SCN9A: variants seen among roughly 807,000 people sequenced by gnomAD.
The protein encoded by SCN9A is sodium voltage-gated channel alpha subunit 9, also known as sodium channel protein type 9 subunit alpha.
In SCN9A, 131 loss-of-function variants were observed where a neutral mutation model predicts 187.0. The ratio of observed to expected loss-of-function variants is 0.70; its 90% confidence interval spans 0.61 to 0.81. The LOEUF (loss-of-function observed/expected upper bound fraction) is 0.81, where lower values mean the gene tolerates loss of function less well. Ranked by LOEUF, SCN9A falls within the 30% of genes least tolerant of loss-of-function variation. The pLI, the probability that SCN9A is intolerant of heterozygous loss-of-function variation, is 0.00. For synonymous variants in SCN9A, 809 were observed against 808.6 expected, an observed-to-expected ratio of 1.00 and a Z score of -0.01; for missense variants, 2,252 against 2,396.6, an observed-to-expected ratio of 0.94 and a Z score of 1.26.
chr2:166,278,283 C>A lies in SCN9A; in HGVS notation c.2374G>T (p.Val792Leu), dbSNP rs1697326682. The A allele has an allele frequency of 6.2e-7, 1 of 1,607,268 alleles. No individual in the cohort carries two copies. Among genetic ancestry groups the A allele is most frequent in the Non-Finnish European group, 8.5e-7 (1 of 1,177,634 alleles). The stretch of plus-strand genomic sequence containing the variant: ...GGATCCATGGCAATCAGTTTTAATA[C>A]CATTTCAGCTGCAAAGATTCCAGTA... ...VFTGIFAAEM[V>L]LKLIAMDPYE... Residue 792 changes from valine to leucine, a missense_variant, in exon 15 of 27, where the codon GTA becomes TTA. This residue lies in a region of SCN9A where 1,013 missense variants were observed against 997.4 expected (regional missense o/e 1.02). Transcript: ENST00000642356.
intron 17 of SCN9A, among the ~76,000 whole-genome samples, chr2:166,271,911 G>A (rs1697009767): frequency 6.6e-6 from 1 of 151,946 alleles, no homozygotes; most frequent in Non-Finnish European, 1.5e-5. Context: ...TGCGGATCAT[G>A]GATACATCAT....
chr2:166,199,193 C>G lies in SCN9A; in HGVS notation c.5446G>C (p.Ala1816Pro). The stretch of plus-strand genomic sequence containing the variant: ...ATGAGCTGGACTTTGTTGGGTTTTG[C>G]TATGAGAAGAGGAGGATCCAGGGCA... ...AAALDPPLLI[A>P]KPNKVQLIAM... The change falls in exon 27 of 27, where the codon GCA (alanine) becomes CCA (proline). Residue 1816 changes from alanine to proline, a missense_variant. By Grantham distance (27) the Ala-to-Pro change is conservative. Coordinates refer to ENST00000642356, the MANE Select transcript of SCN9A (RefSeq NM_001365536.1). 6.2e-7 allele frequency: 1 copy of G among 1,614,120 alleles called. No individual in the cohort carries two copies. The highest frequency in any genetic ancestry group is 1.3e-5 in the African/African-American group (1 of 75,018).
At chr2:166,342,867 G>A (rs1699818641) in intron 1 of SCN9A, among the ~76,000 whole-genome samples, 1 of 152,146 alleles carries the variant, frequency 6.6e-6, no homozygotes, top group South Asian at 2.1e-4. Flanking sequence ...GGAAACCACA[G>A]ATTATGCCCT....
chr2:166,244,800 A>T (rs1012424776), intron 18 of SCN9A, among the ~76,000 whole-genome samples: 2 of 152,024 alleles, frequency 1.3e-5, no homozygotes, highest in African/African-American at 2.4e-5. Context: ...GCAATTTCAC[A>T]TCAGTAGTTT....
Position 166,307,052 on chromosome 2 carries a change from CCTTTGTT to C in SCN9A, c.274_280del (p.Asn92GlyfsTer22). On this transcript the variant is annotated frameshift_variant, in exon 3 of 27. Transcript: ENST00000642356. LOFTEE classifies it high-confidence loss of function. ...GGCATTGAAACGGAAGATTGTTTTC[CCTTTGTT>C]CAATACTATGAAAGTCTGCAGGAGG... 6.2e-7 allele frequency: 1 copy of C among 1,607,618 alleles called. No homozygotes were observed. The highest frequency in any genetic ancestry group is 8.5e-7 in the Non-Finnish European group (1 of 1,174,686).
chr2:166,216,394 A>C (rs1694333322), intron 24 of SCN9A, among the ~76,000 whole-genome samples: 1 of 152,094 alleles, frequency 6.6e-6, no homozygotes, highest in Non-Finnish European at 1.5e-5. Context: ...GCAATTAGGC[A>C]GGAAAAAGAA....
chr2:166,279,872 A>G (rs1218725410), intron 14 of SCN9A, among the ~76,000 whole-genome samples: 2 of 152,058 alleles, frequency 1.3e-5, no homozygotes, highest in Non-Finnish European at 2.9e-5. Flanking sequence ...CAGAGTTAAA[A>G]TATTTGTCCA....
intron 12 of SCN9A, among the ~76,000 whole-genome samples, chr2:166,282,193 G>A (rs184281786): frequency 2.6e-4 from 40 of 152,294 alleles, no homozygotes; most frequent in African/African-American, 9.1e-4. Flanking sequence ...CAGTGAAAGT[G>A]CTGTAGTGCT....
chr2:166,226,836 T>A (rs1694861731), intron 23 of SCN9A, 132 bp from the exon 24 acceptor site: 1 of 535,088 alleles, frequency 1.9e-6, no homozygotes, highest in Non-Finnish European at 3.1e-6. Context: ...ATAGCATTGT[T>A]GAGGTTTAAC....
At chr2:166,291,029 G>T (rs1215748539) in intron 9 of SCN9A, among the ~76,000 whole-genome samples, 1 of 152,100 alleles carries the variant, frequency 6.6e-6, no homozygotes, top group East Asian at 1.9e-4. Flanking sequence ...ACAAGACAAG[G>T]ATGCCCTCTC....
In SCN9A at chr2:166,228,792, C is replaced by A. The variant is rs1298235055; in HGVS notation, c.4105G>T (p.Glu1369Ter). Residue 1369 changes from glutamate to a stop codon, truncating the protein, a stop_gained, in exon 22 of 27, where the codon GAA (glutamate) becomes TAA (stop). Coordinates refer to ENST00000642356, the MANE Select transcript of SCN9A (RefSeq NM_001365536.1). LOFTEE classifies it high-confidence loss of function. Reference protein sequence around the residue: ...FPASQVPNRSECFALMNVSQN... With the variant: ...FPASQVPNRS ...CTAACATTCATAAGGGCAAAACATT[C>A]GGAACGATTTGGAACTTGACTTGCA... The A allele has an allele frequency of 6.2e-7, 1 of 1,613,894 alleles. No homozygotes were observed. Among genetic ancestry groups the A allele is most frequent in the Non-Finnish European group, 8.5e-7 (1 of 1,179,842 alleles).
At position 166,198,711 on chromosome 2, in the gene SCN9A, C is replaced by G; in HGVS notation, c.5928G>C (p.Lys1976Asn). 6.2e-7 allele frequency: 1 copy of G among 1,607,910 alleles called. No homozygotes were observed. The highest frequency in any genetic ancestry group is 8.5e-7 in the Non-Finnish European group (1 of 1,177,720). Residue 1976 changes from lysine to asparagine, a missense_variant, in exon 27 of 27, where the codon AAG becomes AAC. Lys to Asn is a moderately conservative substitution (Grantham distance 94). Transcript: ENST00000642356. ...CCTTGCTGTCTTTCCCTTTGTCTTC[C>G]TTTTCTGTTCTGTCTTGTTCATATT... ...KEKYEQDRTE[K>N]EDKGKDSKES...
At position 166,294,618 on chromosome 2, in the gene SCN9A, C is replaced by T; in HGVS notation, c.946G>A (p.Gly316Ser). 2 of 1,609,648 alleles carry T rather than the reference C, an allele frequency of 1.2e-6. No homozygotes were observed. Among genetic ancestry groups the T allele is most frequent in the African/African-American group, 1.3e-5 (1 of 74,880 alleles). Residue 316 changes from glycine (G) to serine (S), a missense_variant, in exon 8 of 27, where the codon GGT becomes AGT. Transcript: ENST00000642356. ...ACATACCCTGAATCTGTGCTGAAACCACAAAGGAGAGCATCTTTGGATCCT... is the reference window on the plus strand; with the variant it reads ...ACATACCCTGAATCTGTGCTGAAACTACAAAGGAGAGCATCTTTGGATCCT... ...LEGSKDALLC[G>S]FSTDSGQCPE...
In SCN9A at chr2:166,233,434, G is replaced by C. The variant is rs767298734; in HGVS notation, c.3830C>G (p.Thr1277Ser). 2 of 1,576,158 alleles carry C rather than the reference G, an allele frequency of 1.3e-6. No homozygotes were observed. The highest frequency in any genetic ancestry group is 2.4e-5 in the South Asian group (2 of 81,922). The change falls in exon 21 of 27, where the codon ACT becomes AGT. Residue 1277 changes from threonine to serine, a missense_variant. By Grantham distance (58) the Thr-to-Ser change is moderately conservative (BLOSUM62 1). Around this residue, in one of 7 missense-constraint regions of SCN9A, gnomAD observed 368 missense variants for 408.6 expected, o/e 0.90. Transcript: ENST00000642356. ...GGGGCCAAGATCTGAGTAGCCAAGA[G>C]TGTTTGCCACTAAAGTAACCAAAGA... ...DVSLVTLVAN[T>S]LGYSDLGPIK...
At chr2:166,236,470 G>T (rs1394251684) in intron 20 of SCN9A, among the ~76,000 whole-genome samples, 1 of 152,114 alleles carries the variant, frequency 6.6e-6, no homozygotes, top group Non-Finnish European at 1.5e-5. Context: ...GCCCAAGCTG[G>T]AGTGCAGTGG....
intron 17 of SCN9A, among the ~76,000 whole-genome samples, chr2:166,257,798 G>A (rs543394572): frequency 2.6e-5 from 4 of 151,542 alleles, no homozygotes; most frequent in Non-Finnish European, 5.9e-5. Context: ...AATATTGGGT[G>A]TATATGCATC....
rs183696519 is a variant in SCN9A, at chr2:166,280,732, A to G, written c.2105-137T>C. On this transcript the variant is annotated intron_variant, in intron 13 of 26. Coordinates refer to ENST00000642356, the MANE Select transcript of SCN9A (RefSeq NM_001365536.1). ...TTGAAAATTTAACAGTACTATTTCAATGAAAGCATAGCCTCTTATGTAAGT... is the reference window on the plus strand; with the variant it reads ...TTGAAAATTTAACAGTACTATTTCAGTGAAAGCATAGCCTCTTATGTAAGT... 4.9e-4 allele frequency: 301 copies of G among 613,210 alleles called. 7 individuals are homozygous for G. In the East Asian group the frequency reaches 6.3e-3, roughly 13 times the overall value. The allele number at this position is 613,210 out of a possible 1,614,324, so 38.0% of individuals were successfully genotyped here.
In SCN9A at chr2:166,290,984, G is replaced by A. The variant is rs146089093; in HGVS notation, c.1107+2247C>T. ...TCCATAGCCAATATCATACTGAATG[G>A]GAAAAAGCTGGAAGCATTCCCTTTA... On this transcript the variant is annotated intron_variant, in intron 9 of 26. Transcript: ENST00000642356. 4.9e-3 allele frequency among the ~76,000 whole-genome samples: 743 copies of A among 152,160 alleles called. 3 individuals carry two copies. Among genetic ancestry groups the A allele is most frequent in the African/African-American group, 0.017 (709 of 41,512 alleles).
chr2:166,314,699 A>T (rs913023673), intron 1 of SCN9A, among the ~76,000 whole-genome samples: 1 of 152,228 alleles, frequency 6.6e-6, no homozygotes, highest in African/African-American at 2.4e-5. Context: ...ACACAGAGCC[A>T]AAAGGCCACA....
Sources: gnomAD v4.1 joint callset for allele counts (sites outside exome capture counted in the v4.1 genomes callset) on GRCh38, gnomAD v4.1.1 for gene constraint, gnomAD v4.1.1 regional missense constraint, MANE v1.5 for transcripts, NCBI Gene and HGNC (gene_info 2026-07-23, HGNC 2026-07-21) for gene names.